Variants in GAB1 observed in about 807,000 individuals in gnomAD.
GAB1 encodes GRB2 associated binding protein 1, also known as GRB2-associated-binding protein 1.
GAB1 carries 19 observed loss-of-function variants against 66.5 expected under a neutral mutation model. That is an observed-to-expected ratio of 0.29 (90% CI 0.20 to 0.42). The LOEUF (loss-of-function observed/expected upper bound fraction) is 0.42, where lower values mean the gene tolerates loss of function less well. Ranked by LOEUF, GAB1 falls within the 10% of genes least tolerant of loss-of-function variation. The probability of loss-of-function intolerance (pLI) is 1.00; values close to 1 mark genes in which losing one functional copy is unlikely to be tolerated. For missense variants in GAB1, 732 were observed against 858.5 expected (o/e 0.85, Z 1.84); for synonymous variants, 294 against 301.4 (o/e 0.98, Z 0.25).
intron 1 of GAB1, among the ~76,000 whole-genome samples, chr4:143,347,433 GA>G (rs1342229638): frequency 3.3e-5 from 5 of 152,166 alleles, no homozygotes; most frequent in Non-Finnish European, 5.9e-5. Context: ...CACCAGTCAA[GA>G]ATCCAACCCA....
intron 6 of GAB1, 40 bp downstream of exon 6, chr4:143,440,422 CA>C (rs759399225): frequency 6.6e-7 from 1 of 1,516,448 alleles, no homozygotes; most frequent in Non-Finnish European, 8.9e-7. Context: ...TGGGGAGTGC[CA>C]AGTTAGATCT....
chr4:143,433,459 A>T (rs755393818), intron 2 of GAB1, 32 bp from the exon 3 acceptor site: 2 of 1,521,180 alleles, frequency 1.3e-6, no homozygotes, highest in Admixed American at 1.7e-5. Context: ...TTTAACTGTG[A>T]TAGACGTGAT....
At chr4:143,348,642 C>T (rs557674377) in intron 1 of GAB1, among the ~76,000 whole-genome samples, 28 of 152,378 alleles carry the variant, frequency 1.8e-4, no homozygotes, top group Admixed American at 3.3e-4. Flanking sequence ...GCCAGAGTGA[C>T]TTTTCTGAAA....
At chr4:143,456,253 C>T (rs180989807) in intron 6 of GAB1, among the ~76,000 whole-genome samples, 90 of 152,158 alleles carry the variant, frequency 5.9e-4, no homozygotes, top group African/African-American at 2.1e-3. Flanking sequence ...GTCAGGAGAT[C>T]GAGACCATCC....
intron 1 of GAB1, among the ~76,000 whole-genome samples, chr4:143,361,988 G>A (rs375447788): frequency 1.8e-3 from 279 of 151,616 alleles, no homozygotes; most frequent in African/African-American, 6.6e-3. Flanking sequence ...TGAACTCCTG[G>A]GCTCAAGCAA....
intron 8 of GAB1, among the ~76,000 whole-genome samples, chr4:143,462,262 C>A (rs181635602): frequency 1.3e-5 from 2 of 151,804 alleles, no homozygotes; most frequent in Admixed American, 1.3e-4. Context: ...ATTAGTTTTC[C>A]TCAGTATAGT....
rs927720281 is a variant in GAB1, at chr4:143,473,025, T to A, written c.*3836T>A. ...CATGCATTACTACAGTTAAAAATAGTTTCATTTGTCTTCTATAGACTTAAT... is the reference window on the plus strand; with the variant it reads ...CATGCATTACTACAGTTAAAAATAGATTCATTTGTCTTCTATAGACTTAAT... On this transcript the variant is annotated 3_prime_UTR_variant, in exon 10 of 10. Coordinates refer to ENST00000262994, the MANE Select transcript of GAB1 (RefSeq NM_002039.4). 4 of 152,166 alleles carry A rather than the reference T, an allele frequency of 2.6e-5. No individual in the cohort carries two copies. Among genetic ancestry groups the A allele is most frequent in the African/African-American group, 9.7e-5 (4 of 41,450 alleles). 9.4% of individuals were successfully genotyped at this position (152,166 alleles called of 1,614,324 possible). A position where few individuals can be genotyped will look rare whatever the true frequency, so the allele number is the denominator to read the frequency against.
chr4:143,467,129 A>T (rs916899835), intron 9 of GAB1, among the ~76,000 whole-genome samples: 6 of 151,774 alleles, frequency 4.0e-5, no homozygotes, highest in Non-Finnish European at 8.8e-5. Flanking sequence ...TTTTGCCTTC[A>T]CTCTTGGAAA....
rs1328313444 is a variant in GAB1, at chr4:143,438,346, G to A, written c.941G>A (p.Gly314Asp). The change falls in exon 4 of 10, where the codon GGT (glycine) becomes GAT (aspartate). Residue 314 changes from glycine to aspartate, a missense_variant. Gly to Asp is a moderately conservative substitution (Grantham distance 94). Around this residue, in one of 4 missense-constraint regions of GAB1, gnomAD observed 427 missense variants for 420.6 expected, o/e 1.02. Transcript: ENST00000262994. ...SISYDIPPTP[G>D]NTYQIPRTFP... ...AGTTATGACATTCCTCCAACACCTG[G>A]TAATACTTATCAGATTCCACGAACA... is the stretch of plus-strand genomic sequence containing the variant. 6.2e-7 allele frequency: 1 copy of A among 1,613,986 alleles called. No individual in the cohort carries two copies. Among genetic ancestry groups the A allele is most frequent in the Non-Finnish European group, 8.5e-7 (1 of 1,179,964 alleles).
chr4:143,453,714 GT>G (rs1735037136), intron 6 of GAB1, among the ~76,000 whole-genome samples: 1 of 152,102 alleles, frequency 6.6e-6, no homozygotes, highest in South Asian at 2.1e-4. Context: ...AAGATTGTAG[GT>G]TTGAAATAAG....
Position 143,471,176 on chromosome 4 carries a change from C to T in GAB1, c.*1987C>T, listed in dbSNP as rs1322299098. Reference sequence around the variant, plus strand: ...TCAAAAATAAAAATCTTTACAGCTGCCTATCAAGGGTCTAAAGCACTTAAT... The same window carrying T: ...TCAAAAATAAAAATCTTTACAGCTGTCTATCAAGGGTCTAAAGCACTTAAT... On this transcript the variant is annotated 3_prime_UTR_variant, in exon 10 of 10. Transcript: ENST00000262994. 6.6e-6 allele frequency: 1 copy of T among 152,058 alleles called. No homozygotes were observed. Among genetic ancestry groups the T allele is most frequent in the Non-Finnish European group, 1.5e-5 (1 of 67,976 alleles). 9.4% of individuals were successfully genotyped at this position (152,058 alleles called of 1,614,324 possible). A position where few individuals can be genotyped will look rare whatever the true frequency, so the allele number is the denominator to read the frequency against.
chr4:143,464,064 C>A (rs1417535560), intron 8 of GAB1, among the ~76,000 whole-genome samples: 1 of 152,164 alleles, frequency 6.6e-6, no homozygotes, highest in Non-Finnish European at 1.5e-5. Flanking sequence ...TTTTCACACA[C>A]TCATGGCTGA....
chr4:143,429,734 T>C (rs1336926614), intron 2 of GAB1, among the ~76,000 whole-genome samples: 1 of 152,228 alleles, frequency 6.6e-6, no homozygotes, highest in East Asian at 1.9e-4. Flanking sequence ...GTCAAAGCCT[T>C]GGTGAAACAA....
chr4:143,362,377 T>C (rs1380015626), intron 1 of GAB1, among the ~76,000 whole-genome samples: 1 of 152,080 alleles, frequency 6.6e-6, no homozygotes, highest in Non-Finnish European at 1.5e-5. Context: ...GAGACAAATC[T>C]GTGGAGTAAA....
chr4:143,425,767 A>G (rs1383237419), intron 2 of GAB1: 4 of 766,134 alleles, frequency 5.2e-6, no homozygotes, highest in Non-Finnish European at 9.5e-6. Flanking sequence ...ACTGCTACTC[A>G]GCCTGAGGTT....
chr4:143,423,576 G>A (rs1259089143), intron 2 of GAB1, among the ~76,000 whole-genome samples: 4 of 150,256 alleles, frequency 2.7e-5, no homozygotes, highest in African/African-American at 9.8e-5. Context: ...GTAGGTGCCT[G>A]TCATCCTGGC....
At chr4:143,352,805 T>G (rs1393542231) in intron 1 of GAB1, among the ~76,000 whole-genome samples, 1 of 152,184 alleles carries the variant, frequency 6.6e-6, no homozygotes, top group Non-Finnish European at 1.5e-5. Context: ...GAACCAAAAC[T>G]GAGAGAGTAA....
At chr4:143,406,083 G>T (rs1339712838) in intron 1 of GAB1, among the ~76,000 whole-genome samples, 1 of 152,112 alleles carries the variant, frequency 6.6e-6, no homozygotes, top group East Asian at 1.9e-4. Flanking sequence ...GGTTTGCCCA[G>T]GACTGAGCCA....
At chr4:143,400,365 G>A (rs949406394) in intron 1 of GAB1, among the ~76,000 whole-genome samples, 1 of 152,170 alleles carries the variant, frequency 6.6e-6, no homozygotes, top group African/African-American at 2.4e-5. Flanking sequence ...GCCATTTGGT[G>A]AAAAGACTAG....
Sources: allele counts gnomAD v4.1 joint callset (sites outside exome capture counted in the v4.1 genomes callset), GRCh38; gene constraint gnomAD v4.1.1; regional missense constraint gnomAD v4.1.1; transcripts MANE v1.5; gene names NCBI Gene and HGNC (gene_info 2026-07-23, HGNC 2026-07-21).